MAP2: variants seen among roughly 807,000 people sequenced by gnomAD.
MAP2 encodes microtubule associated protein 2.
MAP2 carries 14 observed loss-of-function variants against 137.6 expected under a neutral mutation model. That is an observed-to-expected ratio of 0.10 (90% CI 0.07 to 0.16). The LOEUF (loss-of-function observed/expected upper bound fraction) is 0.16, where lower values mean the gene tolerates loss of function less well. Among genes scored for constraint, MAP2 ranks in the 10% least tolerant of loss-of-function variants. MAP2 has a pLI of 1.00. For synonymous variants in MAP2, 786 were observed against 782.3 expected, an observed-to-expected ratio of 1.00 and a Z score of -0.08; for missense variants, 2,088 against 2,191.5, an observed-to-expected ratio of 0.95 and a Z score of 0.94.
At chr2:209,450,302 C>T (rs17308504) in intron 1 of MAP2, among the ~76,000 whole-genome samples, 5,161 of 152,222 alleles carry the variant, frequency 0.034, 108 homozygotes, top group African/African-American at 0.047. Flanking sequence ...CACACATAAA[C>T]TGTCACACAT....
chr2:209,626,875 T>C (rs933068531), intron 4 of MAP2, among the ~76,000 whole-genome samples: 8 of 152,170 alleles, frequency 5.3e-5, no homozygotes, highest in African/African-American at 1.9e-4. Flanking sequence ...ATTTTAAAGG[T>C]TTAATGTTAA....
In MAP2 at chr2:209,444,350, T is replaced by A. The variant is rs138317430; in HGVS notation, c.-222+20074T>A. ...CAGTCTCAATGAATAAGGAAATTAA[T>A]AATTCATGCCTAAATATTACATAGG... On this transcript the variant is annotated intron_variant, in intron 1 of 15. Transcript: ENST00000682079. 5.9e-5 allele frequency among the ~76,000 whole-genome samples: 9 copies of A among 151,864 alleles called. No individual in the cohort carries two copies. The East Asian group carries it at 1.7e-3, about 29-fold the overall frequency.
Position 209,434,920 on chromosome 2 carries a change from TTA to T in MAP2, c.-222+10654_-222+10655del, listed in dbSNP as rs551671816. Among the ~76,000 whole-genome samples, 946 of 136,518 alleles carry T rather than the reference TTA, an allele frequency of 6.9e-3. 33 individuals are homozygous for T. Among genetic ancestry groups the T allele is most frequent in the African/African-American group, 0.025 (791 of 32,186 alleles). 89.6% of individuals were successfully genotyped at this position (136,518 alleles called of 152,430 possible). Reference sequence around the variant, plus strand: ...GTTATATATATATGTTATATATATGTTATATATATATGTTATATATATGTGTT... The same window carrying T: ...GTTATATATATATGTTATATATATGTTATATATATGTTATATATATGTGTT... On this transcript the variant is annotated intron_variant, in intron 1 of 15. Coordinates refer to ENST00000682079, the MANE Select transcript of MAP2 (RefSeq NM_001375505.1).
At chr2:209,556,026 T>TC (rs1414036302) in intron 2 of MAP2, among the ~76,000 whole-genome samples, 2 of 148,916 alleles carry the variant, frequency 1.3e-5, no homozygotes, top group African/African-American at 5.0e-5. Flanking sequence ...CATTCTTTCT[T>TC]TTTTTTTTTT....
chr2:209,598,066 C>T (rs1453802937), intron 3 of MAP2, among the ~76,000 whole-genome samples: 10 of 151,846 alleles, frequency 6.6e-5, no homozygotes, highest in Admixed American at 6.6e-5. Context: ...AGTGTAGTGG[C>T]GCAACCTTGG....
chr2:209,711,274 G>C (rs1304891183), intron 13 of MAP2, among the ~76,000 whole-genome samples: 1 of 151,906 alleles, frequency 6.6e-6, no homozygotes. Context: ...TCTCCTTCAT[G>C]CCAAAGAAAA....
intron 1 of MAP2, among the ~76,000 whole-genome samples, chr2:209,477,345 C>CA (rs1559212291): frequency 6.6e-6 from 1 of 151,470 alleles, no homozygotes; most frequent in Admixed American, 6.6e-5. Context: ...AAAAAAGCCA[C>CA]AAAAATGAAA....
chr2:209,598,442 A>T (rs1281188528), intron 3 of MAP2, among the ~76,000 whole-genome samples: 1 of 150,894 alleles, frequency 6.6e-6, no homozygotes, highest in Non-Finnish European at 1.5e-5. Flanking sequence ...TTTATTTTTT[A>T]TTTTATTTTT....
intron 1 of MAP2, among the ~76,000 whole-genome samples, chr2:209,427,417 A>C (rs933273763): frequency 6.6e-6 from 1 of 152,166 alleles, no homozygotes; most frequent in African/African-American, 2.4e-5. Flanking sequence ...TGATTCTCTC[A>C]GATATATCAA....
At chr2:209,611,129 G>T (rs1054776153) in intron 3 of MAP2, among the ~76,000 whole-genome samples, 4 of 152,048 alleles carry the variant, frequency 2.6e-5, no homozygotes, top group Non-Finnish European at 4.4e-5. Context: ...TACAAATGAC[G>T]CCAAATATTT....
intron 5 of MAP2, among the ~76,000 whole-genome samples, chr2:209,674,286 A>G (rs2050234208): frequency 6.6e-6 from 1 of 151,754 alleles, no homozygotes; most frequent in Non-Finnish European, 1.5e-5. Context: ...AAAATACATG[A>G]CTAGGGGAAA....
rs1195298376 is a variant in MAP2 at position 209,730,247 on chromosome 2, C to G, written c.5334C>G (p.Ile1778Met). 1 of 1,614,034 alleles carries G rather than the reference C, an allele frequency of 6.2e-7. No individual in the cohort carries two copies. Among genetic ancestry groups the G allele is most frequent in the Admixed American group, 1.7e-5 (1 of 60,006 alleles). The change falls in exon 16 of 16, where the codon ATC becomes ATG. Residue 1778 changes from isoleucine (I) to methionine (M), a missense_variant. Physicochemically the swap from Ile to Met is conservative, Grantham distance 10 (BLOSUM62 1). Around this residue, in one of 6 missense-constraint regions of MAP2, gnomAD observed 112 missense variants for 201.0 expected, o/e 0.56. Transcript: ENST00000682079. ...CCCGTGTGGACCATGGGGCTGAGAT[C>G]ATTACACAGTCCCCAGGCAGATCCA... ...AKARVDHGAEIITQSPGRSSV... is the reference protein window; with the variant it reads ...AKARVDHGAEMITQSPGRSSV...
chr2:209,565,443 C>T (rs2073173831), intron 2 of MAP2, among the ~76,000 whole-genome samples: 1 of 151,962 alleles, frequency 6.6e-6, no homozygotes, highest in Non-Finnish European at 1.5e-5. Context: ...TGGTTTTGAA[C>T]TCCTGGGCTC....
intron 2 of MAP2, among the ~76,000 whole-genome samples, chr2:209,544,322 G>A (rs557517339): frequency 6.6e-6 from 1 of 151,904 alleles, no homozygotes; most frequent in Non-Finnish European, 1.5e-5. Context: ...CAGCAACATC[G>A]AGGGAATCTT....
At chr2:209,514,227 A>C (rs948104413) in intron 2 of MAP2, among the ~76,000 whole-genome samples, 1 of 152,150 alleles carries the variant, frequency 6.6e-6, no homozygotes, top group Non-Finnish European at 1.5e-5. Context: ...TAGGAATAAA[A>C]TAAAATGACA....
At chr2:209,453,511 G>A (rs1164901593) in intron 1 of MAP2, among the ~76,000 whole-genome samples, 1 of 152,012 alleles carries the variant, frequency 6.6e-6, no homozygotes, top group Non-Finnish European at 1.5e-5. Flanking sequence ...GACTTAAAAG[G>A]GCTGGAAGAG....
chr2:209,731,416 A>G lies in MAP2; in HGVS notation c.*1019A>G, dbSNP rs2075757958. On this transcript the variant is annotated 3_prime_UTR_variant, in exon 16 of 16. Transcript: ENST00000682079. ...AGCCGTAACCCTGTTTTAGTGCCAG[A>G]TACAAGTCTCTCCCGTGATGCTAGA... is the stretch of plus-strand genomic sequence containing the variant. 6.6e-6 allele frequency: 1 copy of G among 152,570 alleles called. No homozygotes were observed. Among genetic ancestry groups the G allele is most frequent in the Non-Finnish European group, 1.5e-5 (1 of 68,032 alleles). 9.5% of individuals were successfully genotyped at this position (152,570 alleles called of 1,614,324 possible). A position where few individuals can be genotyped will look rare whatever the true frequency, so the allele number is the denominator to read the frequency against.
chr2:209,667,891 C>T (rs1559516662), intron 5 of MAP2, among the ~76,000 whole-genome samples: 1 of 151,766 alleles, frequency 6.6e-6, no homozygotes, highest in African/African-American at 2.4e-5. Flanking sequence ...TTCCCCAATC[C>T]CTTCTCTTCA....
intron 5 of MAP2, among the ~76,000 whole-genome samples, chr2:209,676,910 C>T (rs1477603890): frequency 6.0e-5 from 9 of 151,010 alleles, no homozygotes; most frequent in Admixed American, 5.3e-4. Flanking sequence ...TATATGTAAG[C>T]GGCAATTCTC....
Sources: allele counts gnomAD v4.1 joint callset (sites outside exome capture counted in the v4.1 genomes callset), GRCh38; gene constraint gnomAD v4.1.1; regional missense constraint gnomAD v4.1.1; transcripts MANE v1.5; gene names NCBI Gene and HGNC (gene_info 2026-07-23, HGNC 2026-07-21).